AUTS2: variants seen among roughly 807,000 people sequenced by gnomAD.
AUTS2 encodes the protein autism susceptibility gene 2 protein.
A neutral mutation model predicts 112.4 loss-of-function variants in AUTS2; 17 were observed. The observed-to-expected ratio is 0.15, with a 90% CI of 0.10 to 0.23. AUTS2 has a LOEUF of 0.23. Among genes scored for constraint, AUTS2 ranks in the 10% least tolerant of loss-of-function variants. The pLI is 1.00. For missense variants in AUTS2, 1,510 were observed against 1,701.6 expected (o/e 0.89, Z 1.98); for synonymous variants, 751 against 702.7 (o/e 1.07, Z -1.09).
chr7:70,614,658 T>G (rs560133968), intron 5 of AUTS2, among the ~76,000 whole-genome samples: 1 of 152,332 alleles, frequency 6.6e-6, no homozygotes, highest in Non-Finnish European at 1.5e-5. Flanking sequence ...ACCCCCACGC[T>G]GGCCTTCTTA....
At chr7:69,859,364 T>C (rs1792875743) in intron 1 of AUTS2, among the ~76,000 whole-genome samples, 1 of 152,228 alleles carries the variant, frequency 6.6e-6, no homozygotes, top group African/African-American at 2.4e-5. Flanking sequence ...AAAAAATTGT[T>C]AACTATCATG....
intron 1 of AUTS2, among the ~76,000 whole-genome samples, chr7:69,680,715 G>A (rs1390214377): frequency 6.6e-6 from 1 of 152,018 alleles, no homozygotes; most frequent in Non-Finnish European, 1.5e-5. Flanking sequence ...TGTTGCTCAG[G>A]CTGGAGTGCA....
At chr7:69,622,326 A>G (rs1031357379) in intron 1 of AUTS2, among the ~76,000 whole-genome samples, 3 of 152,238 alleles carry the variant, frequency 2.0e-5, no homozygotes, top group Admixed American at 2.0e-4. Flanking sequence ...GGTGGCTTCC[A>G]ACCCAGATTA....
Position 70,734,782 on chromosome 7 carries a change from A to C in AUTS2, c.743-28088A>C, listed in dbSNP as rs1389092489. Among the ~76,000 whole-genome samples, 3 of 152,146 alleles carry C rather than the reference A, an allele frequency of 2.0e-5. No individual in the cohort carries two copies. The East Asian group carries it at 5.8e-4, about 29-fold the overall frequency. ...TTTATTGCCTTTGTAAGATTCTTAA[A>C]CTGTTTATCATTATCCCTGCCTTTT... On this transcript the variant is annotated intron_variant, in intron 6 of 18. Transcript: ENST00000342771.
At chr7:70,267,907 G>GA (rs1181968002) in intron 4 of AUTS2, among the ~76,000 whole-genome samples, 1 of 152,158 alleles carries the variant, frequency 6.6e-6, no homozygotes. Flanking sequence ...GAAATCTGAG[G>GA]AAACGCTGCT....
chr7:70,672,090 C>A (rs1807673087), intron 5 of AUTS2, among the ~76,000 whole-genome samples: 1 of 152,126 alleles, frequency 6.6e-6, no homozygotes, highest in African/African-American at 2.4e-5. Context: ...AGGAGGAAAT[C>A]CCAATGAGGT....
intron 6 of AUTS2, among the ~76,000 whole-genome samples, chr7:70,717,618 A>G (rs1263855648): frequency 1.3e-5 from 2 of 152,120 alleles, no homozygotes; most frequent in Admixed American, 6.5e-5. Context: ...CCAACCCACT[A>G]TGAGTTTTCT....
intron 5 of AUTS2, among the ~76,000 whole-genome samples, chr7:70,461,951 G>A (rs1015519390): frequency 4.6e-5 from 7 of 152,112 alleles, no homozygotes; most frequent in African/African-American, 1.4e-4. Context: ...TTTTTAAATA[G>A]CTTTTTAAAG....
intron 1 of AUTS2, among the ~76,000 whole-genome samples, chr7:69,639,255 A>G (rs140810454): frequency 5.0e-4 from 76 of 152,310 alleles, no homozygotes; most frequent in African/African-American, 1.8e-3. Context: ...GTACTTATCT[A>G]TTTTATGTCC....
chr7:70,628,568 A>G lies in AUTS2; in HGVS notation c.691-70001A>G, dbSNP rs1032088316. 2.0e-5 allele frequency among the ~76,000 whole-genome samples: 3 copies of G among 151,412 alleles called. No individual in the cohort carries two copies. In the East Asian group the frequency reaches 5.8e-4, roughly 29 times the overall value. On this transcript the variant is annotated intron_variant, in intron 5 of 18. Coordinates refer to ENST00000342771, the MANE Select transcript of AUTS2 (RefSeq NM_015570.4). ...AGACCATGCTATTAATAGTATACCT[A>G]CATCCCTCCCCCTCCCCCCCAAAAA...
chr7:70,038,223 A>C (rs1241289671), intron 2 of AUTS2, among the ~76,000 whole-genome samples: 1 of 152,166 alleles, frequency 6.6e-6, no homozygotes, highest in African/African-American at 2.4e-5. Context: ...TTGGAAACCA[A>C]GCATTTCAAA....
At chr7:70,169,166 A>G (rs1808536255) in intron 4 of AUTS2, among the ~76,000 whole-genome samples, 1 of 152,190 alleles carries the variant, frequency 6.6e-6, no homozygotes, top group African/African-American at 2.4e-5. Flanking sequence ...GGAAAAAATA[A>G]TATTTCTGGA....
At chr7:69,732,568 T>C (rs1027476983) in intron 1 of AUTS2, among the ~76,000 whole-genome samples, 2 of 152,164 alleles carry the variant, frequency 1.3e-5, no homozygotes, top group African/African-American at 2.4e-5. Context: ...TCTTCGTTTT[T>C]ATTTTCCCCC....
In AUTS2 at chr7:70,563,110, G is replaced by T. The variant is rs1352483154; in HGVS notation, c.690+127329G>T. ...GAGCTATGTAAAGATGGAATAGACTGCCTCTGGAAAGAATGAGCTCACTGT... is the reference window on the plus strand; with the variant it reads ...GAGCTATGTAAAGATGGAATAGACTTCCTCTGGAAAGAATGAGCTCACTGT... On this transcript the variant is annotated intron_variant, in intron 5 of 18. Coordinates refer to ENST00000342771, the MANE Select transcript of AUTS2 (RefSeq NM_015570.4). Among the ~76,000 whole-genome samples the T allele has an allele frequency of 3.9e-5, 6 of 152,136 alleles. No homozygotes were observed. The East Asian group carries it at 1.2e-3, about 29-fold the overall frequency.
intron 2 of AUTS2, among the ~76,000 whole-genome samples, chr7:70,107,840 C>T (rs897293491): frequency 8.6e-5 from 13 of 150,762 alleles, no homozygotes; most frequent in Non-Finnish European, 1.8e-4. Flanking sequence ...GGTGAAACCC[C>T]GTCTCTACTA....
intron 4 of AUTS2, among the ~76,000 whole-genome samples, chr7:70,429,172 T>A (rs1464828501): frequency 6.6e-6 from 1 of 152,212 alleles, no homozygotes; most frequent in Non-Finnish European, 1.5e-5. Context: ...ATACTTTGCT[T>A]ATGCTGCATG....
At chr7:70,712,105 A>G (rs946468787) in intron 6 of AUTS2, among the ~76,000 whole-genome samples, 3 of 144,986 alleles carry the variant, frequency 2.1e-5, no homozygotes, top group Non-Finnish European at 4.5e-5. Flanking sequence ...GCTCGCTGCA[A>G]CCTCCACTTT....
At chr7:70,340,905 A>G (rs968146469) in intron 4 of AUTS2, among the ~76,000 whole-genome samples, 1 of 152,244 alleles carries the variant, frequency 6.6e-6, no homozygotes, top group African/African-American at 2.4e-5. Context: ...AGTTACAGAC[A>G]CATTTCTTTA....
chr7:70,034,388 C>T (rs1167493959), intron 2 of AUTS2, among the ~76,000 whole-genome samples: 2 of 152,124 alleles, frequency 1.3e-5, no homozygotes, highest in Admixed American at 1.3e-4. Context: ...TGACATATAC[C>T]TATTGCATTG....
Sources: gnomAD v4.1 joint callset for allele counts (sites outside exome capture counted in the v4.1 genomes callset) on GRCh38, gnomAD v4.1.1 for gene constraint, MANE v1.5 for transcripts, NCBI Gene and HGNC (gene_info 2026-07-23, HGNC 2026-07-21) for gene names.